Variants in DACH2 observed in about 807,000 individuals in gnomAD.
DACH2 encodes dachshund homolog 2.
Under a neutral mutation model 35.8 loss-of-function variants are expected in DACH2, and 17 were observed. The ratio of observed to expected loss-of-function variants is 0.48; its 90% CI spans 0.33 to 0.71. The LOEUF (loss-of-function observed/expected upper bound fraction) is 0.71. DACH2 is among the 30% of genes least tolerant of loss of function. The probability of loss-of-function intolerance (pLI) is 0.02; values close to 1 mark genes in which losing one functional copy is unlikely to be tolerated. For synonymous variants in DACH2, 195 were observed against 177.3 expected, an observed-to-expected ratio of 1.10 and a Z score of -0.79; for missense variants, 469 against 472.7, an observed-to-expected ratio of 0.99 and a Z score of 0.07.
At chrX:86,426,664 C>T (rs1445086272) in intron 2 of DACH2, among the ~76,000 whole-genome samples, 1 of 110,993 alleles carries the variant, frequency 9.0e-6, no homozygotes, top group African/African-American at 3.3e-5. Context: ...GATAATTTCC[C>T]ATCATCATAG....
chrX:86,494,417 A>G, intron 2 of DACH2, among the ~76,000 whole-genome samples: 1 of 112,032 alleles, frequency 8.9e-6, no homozygotes, highest in Non-Finnish European at 1.9e-5. Context: ...AGGTGGATAT[A>G]AGTAAGTGTA....
chrX:86,207,100 A>G (rs1225208320), intron 1 of DACH2, among the ~76,000 whole-genome samples: 3 of 111,363 alleles, frequency 2.7e-5, no homozygotes, highest in African/African-American at 9.8e-5. Context: ...GAGAGTCACC[A>G]TTAAAAACCA....
At chrX:86,186,155 A>G (rs182460304) in intron 1 of DACH2, among the ~76,000 whole-genome samples, 1 of 112,867 alleles carries the variant, frequency 8.9e-6, no homozygotes, top group Admixed American at 9.4e-5. Flanking sequence ...TTTACTAAAA[A>G]TCTATACATT....
chrX:86,667,589 A>AAAG (rs1288295553), intron 4 of DACH2, among the ~76,000 whole-genome samples: 1 of 102,554 alleles, frequency 9.8e-6, no homozygotes, highest in African/African-American at 4.0e-5. Flanking sequence ...AGAAAGAAAG[A>AAAG]AAGAAAGAAA....
chrX:86,412,180 A>G (rs1456634025), intron 2 of DACH2, among the ~76,000 whole-genome samples: 2 of 110,772 alleles, frequency 1.8e-5, no homozygotes, highest in Non-Finnish European at 3.8e-5. Context: ...GTTCAATGGG[A>G]TTGTTGTGTC....
chrX:86,494,633 G>A (rs2038140613), intron 2 of DACH2, among the ~76,000 whole-genome samples: 1 of 112,396 alleles, frequency 8.9e-6, no homozygotes, highest in African/African-American at 3.2e-5. Context: ...TCATCAATAT[G>A]TTTAATCTTG....
At chrX:86,757,847 A>G (rs2041844017) in intron 7 of DACH2, among the ~76,000 whole-genome samples, 1 of 112,061 alleles carries the variant, frequency 8.9e-6, no homozygotes, top group Non-Finnish European at 1.9e-5. Flanking sequence ...CCATAAGCCA[A>G]TTTAACCTCT....
intron 1 of DACH2, among the ~76,000 whole-genome samples, chrX:86,303,300 G>C (rs1357144865): frequency 2.8e-5 from 3 of 108,914 alleles, no homozygotes; most frequent in Non-Finnish European, 5.7e-5. Flanking sequence ...TCTGTAATCT[G>C]GTTTTATGAG....
rs1359337784 is a variant in DACH2 at position 86,148,956 on chromosome X, G to A, written c.336G>A (p.Lys112=). The A allele has an allele frequency of 2.5e-6, 3 of 1,211,225 alleles. No individual in the cohort carries two copies. Among genetic ancestry groups the A allele is most frequent in the Admixed American group, 2.2e-5 (1 of 45,953 alleles). The change falls in exon 1 of 12, where the codon AAG becomes AAA. Residue 112 remains lysine, a synonymous_variant. Transcript: ENST00000373125. ...GAGGCTTGCACACTGTGTACACCAA[G>A]CTGAAGAGACTGGATATATCCCCCG... ...LVGGLHTVYT[K]LKRLDISPVV... is the part of the protein sequence containing the mutation.
At chrX:86,318,001 A>G (rs1355088706) in intron 1 of DACH2, among the ~76,000 whole-genome samples, 1 of 111,721 alleles carries the variant, frequency 9.0e-6, no homozygotes, top group Non-Finnish European at 1.9e-5. Context: ...AGTCTTGGTA[A>G]AACAACCAGT....
At chrX:86,164,070 C>T (rs773278747) in intron 1 of DACH2, among the ~76,000 whole-genome samples, 6 of 111,562 alleles carry the variant, frequency 5.4e-5, no homozygotes, top group Non-Finnish European at 9.4e-5. Context: ...CCCTTTTCTC[C>T]GCAACCTCAC....
intron 2 of DACH2, among the ~76,000 whole-genome samples, chrX:86,459,833 A>G (rs914926158): frequency 1.9e-4 from 21 of 107,789 alleles, no homozygotes; most frequent in African/African-American, 7.1e-4. Context: ...ATAAAGTAAA[A>G]CAAATGCCAT....
At chrX:86,328,977 T>C (rs1258593457) in intron 1 of DACH2, among the ~76,000 whole-genome samples, 3 of 111,573 alleles carry the variant, frequency 2.7e-5, no homozygotes, top group Non-Finnish European at 5.7e-5. Context: ...CAGAGTGTTG[T>C]TGAAAACTCC....
At chrX:86,572,088 T>G in intron 3 of DACH2, among the ~76,000 whole-genome samples, 1 of 110,872 alleles carries the variant, frequency 9.0e-6, no homozygotes, top group South Asian at 3.9e-4. Context: ...CACCACGGCC[T>G]GTTGCGGGGT....
chrX:86,618,963 G>C (rs6653107), intron 3 of DACH2, among the ~76,000 whole-genome samples: 25,301 of 110,984 alleles, frequency 0.23, 2,387 homozygotes, highest in South Asian at 0.36. Context: ...AAACACCATA[G>C]TCTTGCTTTT....
chrX:86,433,093 T>G (rs59772427), intron 2 of DACH2, among the ~76,000 whole-genome samples: 2 of 111,970 alleles, frequency 1.8e-5, no homozygotes, highest in African/African-American at 6.5e-5. Context: ...ATAACAATAG[T>G]ATCTACCTCT....
chrX:86,491,005 G>C (rs1235555132), intron 2 of DACH2, among the ~76,000 whole-genome samples: 1 of 111,106 alleles, frequency 9.0e-6, no homozygotes, highest in Non-Finnish European at 1.9e-5. Context: ...TGGAGGATTA[G>C]AGTTTGGAAT....
At chrX:86,347,413 A>G (rs1209158047) in intron 1 of DACH2, among the ~76,000 whole-genome samples, 3 of 112,324 alleles carry the variant, frequency 2.7e-5, no homozygotes, top group South Asian at 3.6e-4. Flanking sequence ...AAAAGCGCAC[A>G]CACACACACA....
chrX:86,175,334 T>C (rs933519958), intron 1 of DACH2, among the ~76,000 whole-genome samples: 5 of 112,130 alleles, frequency 4.5e-5, no homozygotes, highest in African/African-American at 1.6e-4. Flanking sequence ...GATGTGGCAA[T>C]GAAAGTCAAT....
Sources: gnomAD v4.1 joint callset for allele counts (sites outside exome capture counted in the v4.1 genomes callset) on GRCh38, gnomAD v4.1.1 for gene constraint, MANE v1.5 for transcripts, NCBI Gene and HGNC (gene_info 2026-07-23, HGNC 2026-07-21) for gene names.